The following LDAH variants were observed in gnomAD, a reference collection of about 807,000 sequenced individuals.
The protein encoded by LDAH is lipid droplet associated hydrolase.
In LDAH, 26 loss-of-function variants were observed where a neutral mutation model predicts 29.6. The ratio of observed to expected loss-of-function variants is 0.88; its 90% confidence interval spans 0.64 to 1.22. The LOEUF is 1.22. LDAH is among the 50% of genes most tolerant of loss of function. LDAH has a pLI of 0.00. For missense variants in LDAH, 344 were observed against 387.3 expected, an observed-to-expected ratio of 0.89 and a Z score of 0.94; for synonymous variants, 117 against 133.0, an observed-to-expected ratio of 0.88 and a Z score of 0.83.
intron 4 of LDAH, among the ~76,000 whole-genome samples, chr2:20,761,799 T>A (rs1668706059): frequency 2.0e-5 from 3 of 151,966 alleles, no homozygotes; most frequent in African/African-American, 7.2e-5. Context: ...ATTAAATTTT[T>A]AAAAAAGATC....
At chr2:20,821,673 A>C (rs1044336909) in intron 1 of LDAH, among the ~76,000 whole-genome samples, 2 of 152,186 alleles carry the variant, frequency 1.3e-5, no homozygotes, top group Non-Finnish European at 2.9e-5. Flanking sequence ...GTAAATGACA[A>C]GTTAATGGGT....
intron 1 of LDAH, among the ~76,000 whole-genome samples, chr2:20,804,129 T>A (rs1361196112): frequency 7.2e-5 from 11 of 152,142 alleles, no homozygotes; most frequent in Admixed American, 5.9e-4. Context: ...CTTCACCTGG[T>A]AAAATTTGTC....
At chr2:20,738,711 G>T (rs1666975753) in intron 5 of LDAH, among the ~76,000 whole-genome samples, 1 of 151,730 alleles carries the variant, frequency 6.6e-6, no homozygotes, top group South Asian at 2.1e-4. Flanking sequence ...AAACCACTAT[G>T]CTAAGGGTAT....
At chr2:20,766,047 C>G (rs1225979317) in intron 4 of LDAH, among the ~76,000 whole-genome samples, 1 of 151,790 alleles carries the variant, frequency 6.6e-6, no homozygotes, top group Non-Finnish European at 1.5e-5. Context: ...GTGGTGTACT[C>G]TAGTCCAGAT....
chr2:20,752,237 AT>A (rs758935438), intron 4 of LDAH, among the ~76,000 whole-genome samples: 26 of 152,170 alleles, frequency 1.7e-4, no homozygotes, highest in Non-Finnish European at 2.8e-4. Context: ...CAATTTAAAA[AT>A]ATCAGTGAAA....
chr2:20,716,036 C>T (rs1288324202), intron 5 of LDAH, among the ~76,000 whole-genome samples: 1 of 152,154 alleles, frequency 6.6e-6, no homozygotes, highest in Non-Finnish European at 1.5e-5. Context: ...GATACCATCT[C>T]ACACTAGTTA....
intron 6 of LDAH, among the ~76,000 whole-genome samples, chr2:20,690,145 T>A (rs1662891825): frequency 6.6e-6 from 1 of 152,168 alleles, no homozygotes; most frequent in African/African-American, 2.4e-5. Context: ...ACCATCCCCG[T>A]ACATGCAGTT....
intron 5 of LDAH, among the ~76,000 whole-genome samples, chr2:20,718,919 G>A (rs1406125581): frequency 1.3e-5 from 2 of 152,014 alleles, no homozygotes; most frequent in African/African-American, 4.8e-5. Context: ...TGACCAATGG[G>A]TCAATGAAGA....
At chr2:20,736,649 TC>T (rs2149434303) in intron 5 of LDAH, among the ~76,000 whole-genome samples, 1 of 152,192 alleles carries the variant, frequency 6.6e-6, no homozygotes, top group East Asian at 1.9e-4. Context: ...GAAATTGACA[TC>T]TATAAAGGAC....
chr2:20,776,671 C>A (rs141106048), intron 3 of LDAH, among the ~76,000 whole-genome samples: 3 of 152,202 alleles, frequency 2.0e-5, no homozygotes, highest in African/African-American at 7.2e-5. Flanking sequence ...TTTGGTAGGA[C>A]TTCTAATGGC....
intron 4 of LDAH, among the ~76,000 whole-genome samples, chr2:20,746,131 T>G (rs1325649986): frequency 6.6e-6 from 1 of 152,206 alleles, no homozygotes; most frequent in African/African-American, 2.4e-5. Flanking sequence ...CTCAATGATT[T>G]AAAGAATATA....
At chr2:20,818,268 C>T (rs1489808412) in intron 1 of LDAH, among the ~76,000 whole-genome samples, 1 of 151,916 alleles carries the variant, frequency 6.6e-6, no homozygotes, top group Non-Finnish European at 1.5e-5. Flanking sequence ...GCAATTCTCT[C>T]AAAACAAAAA....
At chr2:20,701,739 C>T in intron 5 of LDAH, 87 bp from the exon 6 acceptor site, 1 of 1,261,942 alleles carries the variant, frequency 7.9e-7, no homozygotes. Flanking sequence ...TCATGTTCCT[C>T]CTTTCTTTTG....
Position 20,747,683 on chromosome 2 carries a change from G to A in LDAH, c.469-7478C>T, listed in dbSNP as rs115864880. Among the ~76,000 whole-genome samples, 599 of 152,232 alleles carry A rather than the reference G, an allele frequency of 3.9e-3. 1 individual carries two copies. Among genetic ancestry groups the A allele is most frequent in the Non-Finnish European group, 4.7e-3 (317 of 67,972 alleles). ...TTTTAATCAAGAGTTTGCTTTTTGAGATTTTCTACTCTGTCTTAAAAACTT... is the reference window on the plus strand; with the variant it reads ...TTTTAATCAAGAGTTTGCTTTTTGAAATTTTCTACTCTGTCTTAAAAACTT... On this transcript the variant is annotated intron_variant, in intron 4 of 6. Coordinates refer to ENST00000237822, the MANE Select transcript of LDAH (RefSeq NM_021925.4).
At chr2:20,745,988 G>T (rs1002188858) in intron 4 of LDAH, among the ~76,000 whole-genome samples, 1 of 152,258 alleles carries the variant, frequency 6.6e-6, no homozygotes, top group East Asian at 1.9e-4. Flanking sequence ...AATAAATTTT[G>T]TGGGGAGAGG....
At chr2:20,790,164 T>C (rs1436725640) in intron 3 of LDAH, 91 bp downstream of exon 3, 35 of 1,348,504 alleles carry the variant, frequency 2.6e-5, no homozygotes, top group Non-Finnish European at 3.6e-5. Context: ...AGCAGAGGTT[T>C]CCACTGGTGT....
chr2:20,798,390 A>T (rs1401422185), intron 2 of LDAH, among the ~76,000 whole-genome samples: 1 of 152,150 alleles, frequency 6.6e-6, no homozygotes, highest in Admixed American at 6.5e-5. Flanking sequence ...ACTCAAATGC[A>T]TTGAAAGGAT....
At chr2:20,768,511 A>G (rs1438402381) in intron 4 of LDAH, among the ~76,000 whole-genome samples, 5 of 151,800 alleles carry the variant, frequency 3.3e-5, no homozygotes, top group Non-Finnish European at 7.4e-5. Context: ...GCTGGACCCC[A>G]TACTCGCTCA....
In LDAH at chr2:20,796,878, G is replaced by C. The variant is rs377443186; in HGVS notation, c.154+4432C>G. Among the ~76,000 whole-genome samples the C allele has an allele frequency of 1.4e-3, 208 of 152,274 alleles. 3 individuals are homozygous for C. In the South Asian group the frequency reaches 0.038, roughly 28 times the overall value. ...GTCTCAACTCTCAACAGAAAAAACA[G>C]TAGTCAGGAAGCAGGAGACTTCACT... On this transcript the variant is annotated intron_variant, in intron 2 of 6. Coordinates refer to ENST00000237822, the MANE Select transcript of LDAH (RefSeq NM_021925.4).
Sources: gnomAD v4.1 joint callset for allele counts (sites outside exome capture counted in the v4.1 genomes callset) on GRCh38, gnomAD v4.1.1 for gene constraint, MANE v1.5 for transcripts, NCBI Gene and HGNC (gene_info 2026-07-23, HGNC 2026-07-21) for gene names.